CACTIN: variants seen among roughly 807,000 people sequenced by gnomAD.
CACTIN encodes the protein splicing factor Cactin.
A neutral mutation model predicts 84.9 loss-of-function variants in CACTIN; 20 were observed. The ratio of observed to expected loss-of-function variants is 0.24; its 90% CI spans 0.17 to 0.34. The LOEUF (loss-of-function observed/expected upper bound fraction) is 0.34, where lower values mean the gene tolerates loss of function less well. CACTIN is among the 10% of genes least tolerant of loss of function. The pLI, the probability that CACTIN is intolerant of heterozygous loss-of-function variation, is 1.00. For synonymous variants in CACTIN, 549 were observed against 467.9 expected (o/e 1.17, Z -2.24); for missense variants, 897 against 1,117.2 (o/e 0.80, Z 2.81).
In CACTIN at chr19:3,613,244, C is replaced by T. The variant is rs752276114; in HGVS notation, c.1600G>A (p.Glu534Lys). Residue 534 changes from glutamate to lysine, a missense_variant, in exon 9 of 10, where the codon GAG becomes AAG. By Grantham distance (56) the Glu-to-Lys change is moderately conservative. Transcript: ENST00000429344. ...ATGAGCACCGCCTCGCCCTCGCCCT[C>T]GCCCTCACCGTCCCCGTCGCCGTCG... The part of the protein sequence containing the change: ...EGDGDGDGEG[E>K]GEGEAVLMEE... 4.3e-6 allele frequency: 7 copies of T among 1,610,510 alleles called. No individual in the cohort carries two copies. Among genetic ancestry groups the T allele is most frequent in the Middle Eastern group, 1.6e-4 (1 of 6,080 alleles).
rs1334513817 is a variant in CACTIN at position 3,618,905 on chromosome 19, G to A, written c.1132C>T (p.Arg378Cys). The A allele has an allele frequency of 1.9e-6, 3 of 1,555,682 alleles. No homozygotes were observed. Among genetic ancestry groups the A allele is most frequent in the East Asian group, 2.4e-5 (1 of 41,242 alleles). ...CCCTTGCCCGAGGCCTCCAGCTTGC[G>A]GAGCTTGGAGATCTCGTCCTCGGTG... The part of the protein sequence containing the change: ...TITEDEISKL[R>C]KLEASGKGPG... The change falls in exon 6 of 10, where the codon CGC becomes TGC. Residue 378 changes from arginine (R) to cysteine (C), a missense_variant. Physicochemically the swap from Arg to Cys is radical, Grantham distance 180. Transcript: ENST00000429344.
rs1163127222 is a variant in CACTIN at position 3,618,842 on chromosome 19, T to A, written c.1162+33A>T. 5 of 1,490,490 alleles carry A rather than the reference T, an allele frequency of 3.4e-6. No homozygotes were observed. The South Asian group carries it at 4.9e-5, about 14-fold the overall frequency. 92.3% of individuals were successfully genotyped at this position (1,490,490 alleles called of 1,614,324 possible). ...GGGTGAACACTGTAGCCCCCGCAGC[T>A]CCCCTGGAGCCCAGGCCCATGCCCG... On this transcript the variant is annotated intron_variant, in intron 6 of 9. Coordinates refer to ENST00000429344, the MANE Select transcript of CACTIN (RefSeq NM_001080543.2).
In CACTIN at chr19:3,611,290, G is replaced by A. The variant is rs1267069722; in HGVS notation, c.*633C>T. ...GGTGAGTTGGGGGCCAGTCCCTGCA[G>A]AGTGTGGGTGTCCACAGAGGGTCTC... On this transcript the variant is annotated 3_prime_UTR_variant, in exon 10 of 10. Coordinates refer to ENST00000429344, the MANE Select transcript of CACTIN (RefSeq NM_001080543.2). 4.4e-6 allele frequency: 2 copies of A among 455,006 alleles called. No individual in the cohort carries two copies. The highest frequency in any genetic ancestry group is 8.8e-6 in the Non-Finnish European group (2 of 226,518). 28.2% of individuals were successfully genotyped at this position (455,006 alleles called of 1,614,324 possible). A position where few individuals can be genotyped will look rare whatever the true frequency, so the allele number is the denominator to read the frequency against.
At chr19:3,614,998 C>A in intron 6 of CACTIN, 1 of 279,240 alleles carries the variant, frequency 3.6e-6, no homozygotes, top group Non-Finnish European at 7.0e-6. Flanking sequence ...GGGGGGTGTG[C>A]TCGGTAGCCA....
In CACTIN at chr19:3,611,417, G is replaced by A. The variant is rs1249568550; in HGVS notation, c.*506C>T. 19 of 419,774 alleles carry A rather than the reference G, an allele frequency of 4.5e-5. No individual in the cohort carries two copies. Among genetic ancestry groups the A allele is most frequent in the South Asian group, 2.9e-4 (17 of 59,078 alleles). 26.0% of individuals were successfully genotyped at this position (419,774 alleles called of 1,614,324 possible). ...AGGGCTGGAGCTGCCCCACAGCCGCGGGCTCTGCCTCACGCCCAGTGGGTG... is the reference window on the plus strand; with the variant it reads ...AGGGCTGGAGCTGCCCCACAGCCGCAGGCTCTGCCTCACGCCCAGTGGGTG... On this transcript the variant is annotated 3_prime_UTR_variant, in exon 10 of 10. Transcript: ENST00000429344.
chr19:3,617,304 C>A (rs1568293543), intron 6 of CACTIN, among the ~76,000 whole-genome samples: 1 of 152,180 alleles, frequency 6.6e-6, no homozygotes, highest in Non-Finnish European at 1.5e-5. Flanking sequence ...AAAAGGAAAA[C>A]CCCAATTAAT....
chr19:3,626,434 C>T (rs746041518), intron 1 of CACTIN, among the ~76,000 whole-genome samples, 162 bp downstream of exon 1: 13 of 152,268 alleles, frequency 8.5e-5, no homozygotes, highest in Non-Finnish European at 1.5e-4. Context: ...GCCTTCCTTC[C>T]GCTGCCAGGT....
At chr19:3,624,966 C>T (rs772012702) in intron 1 of CACTIN, among the ~76,000 whole-genome samples, 3 of 152,166 alleles carry the variant, frequency 2.0e-5, no homozygotes, top group Non-Finnish European at 2.9e-5. Flanking sequence ...TCAGAGCTCA[C>T]TGCAGCCTTG....
At chr19:3,619,330 G>C in intron 4 of CACTIN, 88 bp from the exon 5 acceptor site, 1 of 1,473,190 alleles carries the variant, frequency 6.8e-7, no homozygotes, top group East Asian at 2.4e-5. Flanking sequence ...ACACCAGTGG[G>C]AGCCGAGGAG....
In CACTIN at chr19:3,614,421, A is replaced by G. The variant is rs1285038145; in HGVS notation, c.1331T>C (p.Leu444Pro). 2 of 1,587,588 alleles carry G rather than the reference A, an allele frequency of 1.3e-6. No homozygotes were observed. The highest frequency in any genetic ancestry group is 3.6e-5 in the Admixed American group (2 of 56,100). ...MGYWESLLQQ[L>P]RAHMARARLR... The stretch of plus-strand genomic sequence containing the variant: ...CCGGGCCCGTGCCATGTGGGCACGA[A>G]GCTGCTGCAGGAGGCTCTCCCAGTA... Residue 444 changes from leucine (L) to proline (P), a missense_variant, in exon 7 of 10, where the codon CTT (leucine) becomes CCT (proline). Coordinates refer to ENST00000429344, the MANE Select transcript of CACTIN (RefSeq NM_001080543.2).
chr19:3,613,392 G>A (rs758244272), intron 8 of CACTIN, 27 bp from the exon 9 acceptor site: 2 of 1,533,626 alleles, frequency 1.3e-6, no homozygotes, highest in African/African-American at 1.4e-5. Context: ...TTGGAGGCGC[G>A]GAGGCTGCCC....
chr19:3,611,896 ACAC>A lies in CACTIN; in HGVS notation c.*24_*26del. 1 of 1,609,432 alleles carries A rather than the reference ACAC, an allele frequency of 6.2e-7. No individual in the cohort carries two copies. Among genetic ancestry groups the A allele is most frequent in the African/African-American group, 1.3e-5 (1 of 74,980 alleles). ...AAGCCCCTTTACTGTGCCCCCGAGG[ACAC>A]CTGCCTGCCGTTCCCCAGGGCCGTC... is the stretch of plus-strand genomic sequence containing the variant. On this transcript the variant is annotated 3_prime_UTR_variant, in exon 10 of 10. Transcript: ENST00000429344.
At chr19:3,620,571 G>A (rs555994900) in intron 3 of CACTIN, 136 bp downstream of exon 3, 2 of 699,288 alleles carry the variant, frequency 2.9e-6, no homozygotes, top group Non-Finnish European at 4.7e-6. Context: ...GCCATGGTCT[G>A]AGCCCCTGGA....
rs749151149 is a variant in CACTIN, at chr19:3,624,066, C to T, written c.264G>A (p.Ser88=). 28 of 1,603,348 alleles carry T rather than the reference C, an allele frequency of 1.7e-5. No homozygotes were observed. Among genetic ancestry groups the T allele is most frequent in the Admixed American group, 3.3e-5 (2 of 60,002 alleles). Residue 88 remains serine, a synonymous_variant, in exon 2 of 10, where the codon TCG becomes TCA. Coordinates refer to ENST00000429344, the MANE Select transcript of CACTIN (RefSeq NM_001080543.2). ...CCCGTGACTGCTCCTCTCCTGAGTC[C>T]GACTGAGAGGACCCATCTCTTGAGT... is the stretch of plus-strand genomic sequence containing the variant. ...KWHSRDGSSQ[S]DSGEEQSRGQ...
rs1253824799 is a variant in CACTIN, at chr19:3,611,382, G to T, written c.*541C>A. ...AGTGCTGCCTGTGCGGGCGAGGGTG[G>T]CCTGTGGGCAGGGCTGGAGCTGCCC... On this transcript the variant is annotated 3_prime_UTR_variant, in exon 10 of 10. Transcript: ENST00000429344. 2.3e-6 allele frequency: 1 copy of T among 443,152 alleles called. No homozygotes were observed. Among genetic ancestry groups the T allele is most frequent in the African/African-American group, 2.0e-5 (1 of 49,430 alleles). The allele number at this position is 443,152 out of a possible 1,614,324, so 27.5% of individuals were successfully genotyped here. A position where few individuals can be genotyped will look rare whatever the true frequency, so the allele number is the denominator to read the frequency against.
At chr19:3,625,958 A>C (rs1234697688) in intron 1 of CACTIN, among the ~76,000 whole-genome samples, 1 of 152,224 alleles carries the variant, frequency 6.6e-6, no homozygotes, top group Non-Finnish European at 1.5e-5. Context: ...AGATTCAGGC[A>C]CTAGGAATCA....
chr19:3,611,788 A>G lies in CACTIN; in HGVS notation c.*135T>C, dbSNP rs764157810. 5 of 1,156,520 alleles carry G rather than the reference A, an allele frequency of 4.3e-6. No individual in the cohort carries two copies. The highest frequency in any genetic ancestry group is 6.2e-6 in the Non-Finnish European group (5 of 800,570). The allele number at this position is 1,156,520 out of a possible 1,614,324, so 71.6% of individuals were successfully genotyped here. On this transcript the variant is annotated 3_prime_UTR_variant, in exon 10 of 10. Coordinates refer to ENST00000429344, the MANE Select transcript of CACTIN (RefSeq NM_001080543.2). The stretch of plus-strand genomic sequence containing the variant: ...TAGGAGGAAACTGAGGCCTGGCGAA[A>G]GAAAGATGCGGCCTGAGGTGGGACG...
Position 3,626,674 on chromosome 19 carries a change from C to T in CACTIN, c.89G>A (p.Arg30Lys), listed in dbSNP as rs2033344007. Reference protein sequence around the residue: ...QSQSGSRSRSRSHGRRNRRRR... With the variant: ...QSQSGSRSRSKSHGRRNRRRR... ...CCGTCGGTTTCGCCGCCCATGGCTC[C>T]TGCTCCGACTTCGGCTCCCGCTCTG... Residue 30 changes from arginine (R) to lysine (K), a missense_variant, in exon 1 of 10, where the codon AGG (arginine) becomes AAG (lysine). Around this residue, in one of 8 missense-constraint regions of CACTIN, gnomAD observed 261 missense variants for 243.8 expected, o/e 1.07. Transcript: ENST00000429344. The T allele has an allele frequency of 6.5e-7, 1 of 1,529,378 alleles. No individual in the cohort carries two copies. The highest frequency in any genetic ancestry group is 1.4e-5 in the African/African-American group (1 of 70,238). The allele number at this position is 1,529,378 out of a possible 1,614,324, so 94.7% of individuals were successfully genotyped here.
intron 7 of CACTIN, chr19:3,613,895 C>T (rs559024571): frequency 2.2e-4 from 107 of 483,712 alleles, no homozygotes; most frequent in Non-Finnish European, 3.6e-4. Flanking sequence ...GGACACCAGC[C>T]AACAAGCATG....
Sources: allele counts gnomAD v4.1 joint callset (sites outside exome capture counted in the v4.1 genomes callset), GRCh38; gene constraint gnomAD v4.1.1; regional missense constraint gnomAD v4.1.1; transcripts MANE v1.5; gene names NCBI Gene and HGNC (gene_info 2026-07-23, HGNC 2026-07-21).